Variants in DEAF1 observed in about 807,000 individuals in gnomAD.
The protein encoded by DEAF1 is DEAF1 transcription factor, also known as deformed epidermal autoregulatory factor 1 homolog.
In DEAF1, 53 loss-of-function variants were observed where a neutral mutation model predicts 58.9. The ratio of observed to expected loss-of-function variants is 0.90; its 90% CI spans 0.72 to 1.13. DEAF1 has a LOEUF of 1.13. Among genes scored for constraint, DEAF1 ranks in the 50% most tolerant of loss-of-function variants. The pLI, the probability that DEAF1 is intolerant of heterozygous loss-of-function variation, is 0.00. For synonymous variants in DEAF1, 385 were observed against 340.4 expected (o/e 1.13, Z -1.44); for missense variants, 685 against 791.4 (o/e 0.87, Z 1.61).
At chr11:674,484 G>T in intron 10 of DEAF1, 52 bp downstream of exon 10, 1 of 1,612,446 alleles carries the variant, frequency 6.2e-7, no homozygotes, top group South Asian at 1.1e-5. Context: ...GCACCAGGGT[G>T]GCCTGGGGTT....
chr11:687,689 G>A (rs1316987263), intron 4 of DEAF1, among the ~76,000 whole-genome samples: 2 of 152,068 alleles, frequency 1.3e-5, no homozygotes, highest in African/African-American at 4.8e-5. Flanking sequence ...AGTAGAGACG[G>A]GTTTTCATCG....
In DEAF1 at chr11:653,966, C is replaced by G; in HGVS notation, c.1589G>C (p.Arg530Pro). The G allele has an allele frequency of 6.2e-7, 1 of 1,613,710 alleles. No individual in the cohort carries two copies. The highest frequency in any genetic ancestry group is 8.5e-7 in the Non-Finnish European group (1 of 1,179,826). The change falls in exon 11 of 12, where the codon CGC becomes CCC. Residue 530 changes from arginine (R) to proline (P), a missense_variant. By Grantham distance (103) the Arg-to-Pro change is moderately radical (BLOSUM62 -2). Around this residue, in one of 3 missense-constraint regions of DEAF1, gnomAD observed 343 missense variants for 379.8 expected, o/e 0.90. Coordinates refer to ENST00000382409, the MANE Select transcript of DEAF1 (RefSeq NM_021008.4). Reference protein sequence around the residue: ...KVNYCSTFCQRKDWKDHQHIC... With the variant: ...KVNYCSTFCQPKDWKDHQHIC... ...CCTGGTGTAGGTGAGACCTACCTTG[C>G]GTTGGCAGAAGGTGGAGCAGTAGTT...
At chr11:668,204 C>A (rs1192225410) in intron 10 of DEAF1, among the ~76,000 whole-genome samples, 7 of 152,042 alleles carry the variant, frequency 4.6e-5, no homozygotes, top group African/African-American at 1.4e-4. Flanking sequence ...ACATTACAGA[C>A]AAAAACAGAG....
Position 691,572 on chromosome 11 carries a change from C to T in DEAF1, c.316G>A (p.Val106Met), listed in dbSNP as rs143376874. The T allele has an allele frequency of 1.7e-5, 27 of 1,613,764 alleles. No individual in the cohort carries two copies. The highest frequency in any genetic ancestry group is 5.3e-5 in the African/African-American group (4 of 75,052). Residue 106 changes from valine (V) to methionine (M), a missense_variant, in exon 2 of 12, where the codon GTG becomes ATG. This residue lies in a region of DEAF1 where 210 missense variants were observed against 177.3 expected (regional missense o/e 1.18). Transcript: ENST00000382409. Reference sequence around the variant, plus strand: ...AAGACATTGTCTGCAGCAGCCCCCACGTTGGCCACTGTCACTGTGGTCACC... The same window carrying T: ...AAGACATTGTCTGCAGCAGCCCCCATGTTGGCCACTGTCACTGTGGTCACC... ...AEVTTVTVAN[V>M]GAAADNVFTT...
In DEAF1 at chr11:679,763, G is replaced by A. The variant is rs753168686; in HGVS notation, c.1051C>T (p.Arg351Ter). Residue 351 changes from arginine to a stop codon, truncating the protein, a stop_gained, in exon 8 of 12, where the codon CGA (arginine) becomes TGA (stop). Transcript: ENST00000382409. LOFTEE classifies it high-confidence loss of function. ...GCAGTGGCCTCTACCGTGGACGCTC[G>A]GTCAAAGGTCAGTGCCCCCGAGGTC... ...ITTSGALTFDRASTVEATAVI... is the reference protein window; with the variant it reads ...ITTSGALTFD 14 of 1,613,838 alleles carry A rather than the reference G, an allele frequency of 8.7e-6. No homozygotes were observed. The highest frequency in any genetic ancestry group is 1.7e-5 in the Admixed American group (1 of 60,026).
In DEAF1 at chr11:671,164, G is replaced by A. The variant is rs547317625; in HGVS notation, c.1503+3372C>T. 7.9e-3 allele frequency among the ~76,000 whole-genome samples: 1,192 copies of A among 151,208 alleles called. 13 individuals carry two copies. Among genetic ancestry groups the A allele is most frequent in the African/African-American group, 0.028 (1,132 of 41,160 alleles). ...AGGATGGTCTCGATCTCCTGACCTC[G>A]TGATCCGCCCGCCTCGGCCTCCCAA... On this transcript the variant is annotated intron_variant, in intron 10 of 11. Transcript: ENST00000382409.
At chr11:676,711 T>C (rs1860096113) in intron 9 of DEAF1, among the ~76,000 whole-genome samples, 1 of 151,838 alleles carries the variant, frequency 6.6e-6, no homozygotes, top group Non-Finnish European at 1.5e-5. Context: ...TCCACGTTGG[T>C]CAGGCTGGTC....
chr11:676,301 C>T (rs1860074288), intron 9 of DEAF1, among the ~76,000 whole-genome samples: 1 of 34,670 alleles, frequency 2.9e-5, no homozygotes, highest in Non-Finnish European at 5.2e-5. Flanking sequence ...GCACCCGACA[C>T]CCCCAGCACC....
At position 663,434 on chromosome 11, in the gene DEAF1, T is replaced by A. The variant is rs141767358; in HGVS notation, c.1504-9383A>T. Reference sequence around the variant, plus strand: ...CTGCACTCCAGCCTGGGTGACAGAGTGAGACTCAACAACAACAACAAAAGA... The same window carrying A: ...CTGCACTCCAGCCTGGGTGACAGAGAGAGACTCAACAACAACAACAAAAGA... On this transcript the variant is annotated intron_variant, in intron 10 of 11. Coordinates refer to ENST00000382409, the MANE Select transcript of DEAF1 (RefSeq NM_021008.4). Among the ~76,000 whole-genome samples, 1,050 of 152,126 alleles carry A rather than the reference T, an allele frequency of 6.9e-3. 8 individuals carry two copies. Among genetic ancestry groups the A allele is most frequent in the African/African-American group, 0.024 (996 of 41,518 alleles).
At chr11:682,011 C>T (rs1047641590) in intron 6 of DEAF1, among the ~76,000 whole-genome samples, 3 of 152,236 alleles carry the variant, frequency 2.0e-5, no homozygotes, top group African/African-American at 7.2e-5. Flanking sequence ...GTTCTCCTTT[C>T]TCTGGGATCC....
At chr11:674,955 T>C (rs75556675) in intron 9 of DEAF1, among the ~76,000 whole-genome samples, 172 bp from the exon 10 acceptor site, 5,181 of 151,950 alleles carry the variant, frequency 0.034, 299 homozygotes, top group African/African-American at 0.12. Flanking sequence ...CCATCCTGGC[T>C]AACAGTGAAA....
chr11:682,606 C>T (rs1590010946), intron 6 of DEAF1, among the ~76,000 whole-genome samples: 2 of 152,298 alleles, frequency 1.3e-5, no homozygotes, highest in East Asian at 1.9e-4. Flanking sequence ...CTACTATAGA[C>T]CTAGAGGCAG....
intron 6 of DEAF1, among the ~76,000 whole-genome samples, chr11:684,531 A>G (rs1458629986): frequency 1.3e-5 from 2 of 152,268 alleles, no homozygotes; most frequent in Non-Finnish European, 2.9e-5. Flanking sequence ...ATAAGTTTAC[A>G]GTAGCATTTT....
intron 1 of DEAF1, chr11:703,830 C>T (rs749066690): frequency 1.9e-4 from 238 of 1,234,762 alleles, no homozygotes; most frequent in Non-Finnish European, 2.0e-4. Context: ...GGGCTAAGGC[C>T]GGGGATGAGA....
chr11:660,408 C>T (rs984030935), intron 10 of DEAF1, among the ~76,000 whole-genome samples: 3 of 152,252 alleles, frequency 2.0e-5, no homozygotes, highest in East Asian at 1.9e-4. Context: ...CAGGGTCCCC[C>T]TGAAGTGGGA....
At chr11:653,366 C>T (rs911904308) in intron 11 of DEAF1, among the ~76,000 whole-genome samples, 1 of 144,376 alleles carries the variant, frequency 6.9e-6, no homozygotes. Context: ...GAACTGTGGA[C>T]GCTCTCTCTC....
upstream of DEAF1, chr11:695,499 C>T: frequency 1.1e-6 from 1 of 889,886 alleles, no homozygotes; most frequent in Admixed American, 4.3e-5. Flanking sequence ...CGGCGCAATT[C>T]TGCCTCTCAG....
intron 6 of DEAF1, among the ~76,000 whole-genome samples, chr11:683,844 T>G (rs548029737): frequency 5.3e-5 from 8 of 152,266 alleles, no homozygotes; most frequent in African/African-American, 9.6e-5. Context: ...CTGTACATGA[T>G]TTCCTAGACT....
At chr11:670,493 T>C (rs11246253) in intron 10 of DEAF1, among the ~76,000 whole-genome samples, 7 of 150,882 alleles carry the variant, frequency 4.6e-5, no homozygotes, top group Admixed American at 4.0e-4. Context: ...GGCAAGTAGA[T>C]CACTTGAGGC....
Sources: allele counts gnomAD v4.1 joint callset (sites outside exome capture counted in the v4.1 genomes callset), GRCh38; gene constraint gnomAD v4.1.1; regional missense constraint gnomAD v4.1.1; transcripts MANE v1.5; gene names NCBI Gene and HGNC (gene_info 2026-07-23, HGNC 2026-07-21).